MTSS1: variants seen among roughly 807,000 people sequenced by gnomAD.
MTSS1 encodes the protein protein MTSS 1.
Under a neutral mutation model 79.0 loss-of-function variants are expected in MTSS1, and 18 were observed. The observed-to-expected ratio is 0.23, with a 90% CI of 0.16 to 0.34. The LOEUF is 0.34. Among genes scored for constraint, MTSS1 ranks in the 10% least tolerant of loss-of-function variants. The probability of loss-of-function intolerance (pLI) is 1.00; values close to 1 mark genes in which losing one functional copy is unlikely to be tolerated. For synonymous variants in MTSS1, 341 were observed against 368.6 expected (o/e 0.93, Z 0.86); for missense variants, 815 against 986.2 (o/e 0.83, Z 2.33).
chr8:124,723,647 G>C (rs1269037961), intron 1 of MTSS1, among the ~76,000 whole-genome samples: 1 of 152,180 alleles, frequency 6.6e-6, no homozygotes, highest in Non-Finnish European at 1.5e-5. Context: ...CCCATCCCAG[G>C]CAGTTCCTGC....
At chr8:124,580,608 C>T (rs776787487) in intron 6 of MTSS1, 4 of 1,533,272 alleles carry the variant, frequency 2.6e-6, no homozygotes, top group Middle Eastern at 3.3e-4. Flanking sequence ...ACACAATTGA[C>T]ACAAAAAGGA....
chr8:124,573,337 T>C (rs11779706), intron 6 of MTSS1, among the ~76,000 whole-genome samples: 103,965 of 152,164 alleles, frequency 0.68, 35,595 homozygotes, highest in Non-Finnish European at 0.7. Flanking sequence ...GGAATCCTGC[T>C]GTGAACTTTC....
At position 124,555,770 on chromosome 8, in the gene MTSS1, G is replaced by C; in HGVS notation, c.1539C>G (p.Cys513Trp). Residue 513 changes from cysteine (C) to tryptophan (W), a missense_variant, in exon 13 of 14, where the codon TGC becomes TGG. Around this residue, in one of 2 missense-constraint regions of MTSS1, gnomAD observed 590 missense variants for 620.8 expected, o/e 0.95. Transcript: ENST00000518547. ...GGGAAGGGATGGTGTCCTCAGAGCA[G>C]CAGGGGGTGGTTGTCTGGGTGCTGT... Reference protein sequence around the residue: ...SGYSTQTTTPCCSEDTIPSQV... With the variant: ...SGYSTQTTTPWCSEDTIPSQV... 1 of 1,612,760 alleles carries C rather than the reference G, an allele frequency of 6.2e-7. No homozygotes were observed. The highest frequency in any genetic ancestry group is 8.5e-7 in the Non-Finnish European group (1 of 1,179,382).
At chr8:124,629,243 G>A (rs1346279890) in intron 3 of MTSS1, among the ~76,000 whole-genome samples, 2 of 152,020 alleles carry the variant, frequency 1.3e-5, no homozygotes, top group East Asian at 1.9e-4. Flanking sequence ...GGCCAGGCGC[G>A]GTGGCTCACA....
At chr8:124,722,134 T>C (rs1274776228) in intron 1 of MTSS1, among the ~76,000 whole-genome samples, 1 of 151,246 alleles carries the variant, frequency 6.6e-6, no homozygotes, top group Non-Finnish European at 1.5e-5. Context: ...TTTTTTTTTT[T>C]CACCCACTTA....
chr8:124,596,575 C>T lies in MTSS1; in HGVS notation c.209-5340G>A, dbSNP rs182216001. Among the ~76,000 whole-genome samples, 196 of 152,336 alleles carry T rather than the reference C, an allele frequency of 1.3e-3. 1 individual carries two copies. Among genetic ancestry groups the T allele is most frequent in the African/African-American group, 3.5e-3 (145 of 41,580 alleles). On this transcript the variant is annotated intron_variant, in intron 3 of 13. Transcript: ENST00000518547. ...CATACATTTTGCATATGAAGACACA[C>T]GATCCACAAGCGTCCACTGAGTATT... is the stretch of plus-strand genomic sequence containing the variant.
chr8:124,620,479 G>A (rs1813285121), intron 3 of MTSS1, among the ~76,000 whole-genome samples: 1 of 152,178 alleles, frequency 6.6e-6, no homozygotes, highest in African/African-American at 2.4e-5. Flanking sequence ...GTCTAGCAAG[G>A]TCACGGCATG....
At chr8:124,650,844 C>G (rs1158708460) in intron 3 of MTSS1, among the ~76,000 whole-genome samples, 2 of 152,126 alleles carry the variant, frequency 1.3e-5, no homozygotes, top group African/African-American at 4.8e-5. Context: ...CACAAATGCT[C>G]GATTAACAAT....
At chr8:124,723,554 G>A (rs1180004077) in intron 1 of MTSS1, among the ~76,000 whole-genome samples, 21 of 152,102 alleles carry the variant, frequency 1.4e-4, no homozygotes, top group Admixed American at 1.2e-3. Flanking sequence ...AACCAGTATA[G>A]AAACGATTTC....
At chr8:124,609,162 G>A (rs759431227) in intron 3 of MTSS1, among the ~76,000 whole-genome samples, 1 of 152,200 alleles carries the variant, frequency 6.6e-6, no homozygotes, top group African/African-American at 2.4e-5. Context: ...GGGATGTCCT[G>A]AGACAGTAAA....
At position 124,586,768 on chromosome 8, in the gene MTSS1, G is replaced by T. The variant is rs527448949; in HGVS notation, c.386-1607C>A. On this transcript the variant is annotated intron_variant, in intron 5 of 13. Coordinates refer to ENST00000518547, the MANE Select transcript of MTSS1 (RefSeq NM_014751.6). Reference sequence around the variant, plus strand: ...TTAGCAGGTATGCAGGCCGGACAATGGGTCTCAATTCACATTCAGGCCTAG... The same window carrying T: ...TTAGCAGGTATGCAGGCCGGACAATTGGTCTCAATTCACATTCAGGCCTAG... 2.0e-5 allele frequency among the ~76,000 whole-genome samples: 3 copies of T among 152,268 alleles called. No individual in the cohort carries two copies. In the South Asian group the frequency reaches 6.2e-4, roughly 32 times the overall value.
At chr8:124,682,603 G>C (rs752984352) in intron 3 of MTSS1, among the ~76,000 whole-genome samples, 2 of 152,222 alleles carry the variant, frequency 1.3e-5, no homozygotes, top group African/African-American at 4.8e-5. Context: ...TAAAGTGGCC[G>C]GTTTGGCTCT....
chr8:124,724,697 C>T (rs1469190132), intron 1 of MTSS1, among the ~76,000 whole-genome samples: 2 of 152,190 alleles, frequency 1.3e-5, no homozygotes, highest in African/African-American at 2.4e-5. Context: ...CCCCAGACAT[C>T]ACCAAAATCG....
chr8:124,558,663 A>G, intron 10 of MTSS1: 1 of 1,483,356 alleles, frequency 6.7e-7, no homozygotes, highest in Non-Finnish European at 9.0e-7. Flanking sequence ...AGCAGCAGGC[A>G]GGGGGACCAG....
intron 3 of MTSS1, among the ~76,000 whole-genome samples, chr8:124,652,299 G>A (rs915532527): frequency 2.0e-5 from 3 of 151,874 alleles, no homozygotes; most frequent in Admixed American, 6.6e-5. Flanking sequence ...TCAGCCTCCC[G>A]AGTAGCTGGG....
At chr8:124,701,941 C>T (rs893713325) in intron 2 of MTSS1, among the ~76,000 whole-genome samples, 2 of 152,116 alleles carry the variant, frequency 1.3e-5, no homozygotes, top group African/African-American at 4.8e-5. Flanking sequence ...TGCTCTCAGC[C>T]CTGTACTATT....
At chr8:124,641,755 T>C (rs181505158) in intron 3 of MTSS1, among the ~76,000 whole-genome samples, 10 of 152,308 alleles carry the variant, frequency 6.6e-5, no homozygotes, top group Admixed American at 5.2e-4. Flanking sequence ...AGTCAGAGTG[T>C]TCCCCACCTG....
In MTSS1 at chr8:124,713,892, G is replaced by A. The variant is rs369541738; in HGVS notation, c.73-9701C>T. Among the ~76,000 whole-genome samples the A allele has an allele frequency of 7.5e-4, 114 of 151,510 alleles. 4 individuals carry two copies. In the South Asian group the frequency reaches 0.023, roughly 31 times the overall value. Reference sequence around the variant, plus strand: ...TCCCCCAAGTAGCTGGGACAACAGGGAAACACTACCACACCCGACTAATTT... The same window carrying A: ...TCCCCCAAGTAGCTGGGACAACAGGAAAACACTACCACACCCGACTAATTT... On this transcript the variant is annotated intron_variant, in intron 1 of 13. Transcript: ENST00000518547.
intron 3 of MTSS1, among the ~76,000 whole-genome samples, chr8:124,606,436 C>G (rs1834898971): frequency 6.6e-6 from 1 of 152,064 alleles, no homozygotes; most frequent in African/African-American, 2.4e-5. Context: ...GGCACAAGCC[C>G]CTGCACCCCG....
Sources: gnomAD v4.1 joint callset for allele counts (sites outside exome capture counted in the v4.1 genomes callset) on GRCh38, gnomAD v4.1.1 for gene constraint, gnomAD v4.1.1 regional missense constraint, MANE v1.5 for transcripts, NCBI Gene and HGNC (gene_info 2026-07-23, HGNC 2026-07-21) for gene names.